The following SETBP1 variants were observed in gnomAD, a reference collection of about 807,000 sequenced individuals.
SETBP1 encodes the protein SET-binding protein.
SETBP1 carries 9 observed loss-of-function variants against 101.0 expected under a neutral mutation model. The observed-to-expected ratio is 0.09, with a 90% CI of 0.05 to 0.16. The LOEUF (loss-of-function observed/expected upper bound fraction) is 0.16. SETBP1 is among the 10% of genes least tolerant of loss of function. The pLI is 1.00. For synonymous variants in SETBP1, 818 were observed against 788.5 expected (o/e 1.04, Z -0.63); for missense variants, 1,858 against 2,033.8 (o/e 0.91, Z 1.66).
chr18:44,711,299 C>T (rs2069335750), intron 2 of SETBP1, among the ~76,000 whole-genome samples: 1 of 128,984 alleles, frequency 7.8e-6, no homozygotes, highest in African/African-American at 2.9e-5. Flanking sequence ...TGCTGCTTGG[C>T]TCTGGCTGTG....
At chr18:44,878,310 T>A (rs1396432285) in intron 3 of SETBP1, among the ~76,000 whole-genome samples, 1 of 150,524 alleles carries the variant, frequency 6.6e-6, no homozygotes, top group Middle Eastern at 3.2e-3. Flanking sequence ...TTCCACTGTC[T>A]TTACATCTTC....
intron 2 of SETBP1, among the ~76,000 whole-genome samples, chr18:44,734,530 C>T (rs1404024604): frequency 6.6e-6 from 1 of 152,214 alleles, no homozygotes; most frequent in African/African-American, 2.4e-5. Flanking sequence ...TTATCTCTTA[C>T]CAGTTTCTGA....
intron 2 of SETBP1, among the ~76,000 whole-genome samples, chr18:44,737,220 A>G (rs2069988167): frequency 1.3e-5 from 2 of 152,212 alleles, no homozygotes; most frequent in Non-Finnish European, 2.9e-5. Context: ...ACTCACATCT[A>G]TGATCCAGCA....
chr18:44,961,578 T>A (rs1384011258), intron 4 of SETBP1, among the ~76,000 whole-genome samples: 1 of 152,168 alleles, frequency 6.6e-6, no homozygotes, highest in African/African-American at 2.4e-5. Flanking sequence ...TCAATAGGCC[T>A]TAAGTCTAAG....
At chr18:45,013,348 G>C (rs1318587908) in intron 4 of SETBP1, among the ~76,000 whole-genome samples, 10 of 152,236 alleles carry the variant, frequency 6.6e-5, no homozygotes, top group Non-Finnish European at 1.3e-4. Context: ...AGGCCTGTTT[G>C]TAGAGCTGGA....
intron 1 of SETBP1, among the ~76,000 whole-genome samples, chr18:44,688,494 A>C (rs1464757850): frequency 7.2e-6 from 1 of 138,254 alleles, no homozygotes; most frequent in African/African-American, 2.7e-5. Flanking sequence ...TTTTTTTTTG[A>C]GATGAAGTCT....
At chr18:44,867,812 C>T (rs966649804) in intron 2 of SETBP1, among the ~76,000 whole-genome samples, 3 of 152,192 alleles carry the variant, frequency 2.0e-5, no homozygotes, top group Non-Finnish European at 4.4e-5. Context: ...ATCACTTAAG[C>T]ACCATTTTTG....
chr18:44,922,372 A>T (rs2070602788), intron 3 of SETBP1, among the ~76,000 whole-genome samples: 1 of 152,260 alleles, frequency 6.6e-6, no homozygotes, highest in African/African-American at 2.4e-5. Flanking sequence ...CACCTGCAAA[A>T]TTGCAAAACG....
chr18:44,844,223 T>A (rs1168420553), intron 2 of SETBP1, among the ~76,000 whole-genome samples: 3 of 152,114 alleles, frequency 2.0e-5, no homozygotes, highest in Non-Finnish European at 4.4e-5. Context: ...TGATTTATAG[T>A]TTGTGCAAGT....
At chr18:44,740,684 A>C (rs528939695) in intron 2 of SETBP1, among the ~76,000 whole-genome samples, 4 of 152,356 alleles carry the variant, frequency 2.6e-5, no homozygotes, top group African/African-American at 9.6e-5. Context: ...AATACTGTGC[A>C]TTAATTGGAG....
chr18:44,748,133 TA>T (rs1229505091), intron 2 of SETBP1, among the ~76,000 whole-genome samples: 1 of 151,506 alleles, frequency 6.6e-6, no homozygotes, highest in Admixed American at 6.6e-5. Context: ...CCCCTCCCAC[TA>T]GAGGAAGAAA....
chr18:44,873,561 T>C (rs762042389), intron 3 of SETBP1, among the ~76,000 whole-genome samples: 8 of 151,978 alleles, frequency 5.3e-5, no homozygotes, highest in Non-Finnish European at 1.0e-4. Flanking sequence ...GAGAAAAAAG[T>C]GAGGCAGTGG....
intron 2 of SETBP1, among the ~76,000 whole-genome samples, chr18:44,708,126 T>C (rs2069261052): frequency 6.6e-6 from 1 of 152,212 alleles, no homozygotes; most frequent in Non-Finnish European, 1.5e-5. Context: ...AACCTCTGGC[T>C]GCTGCACCCA....
At chr18:45,060,218 T>A (rs2073870159) in intron 5 of SETBP1, among the ~76,000 whole-genome samples, 1 of 152,214 alleles carries the variant, frequency 6.6e-6, no homozygotes, top group Non-Finnish European at 1.5e-5. Flanking sequence ...CTTATATGAC[T>A]TTTGCCTCCT....
intron 4 of SETBP1, among the ~76,000 whole-genome samples, chr18:45,034,773 G>A (rs959154442): frequency 1.3e-5 from 2 of 152,018 alleles, no homozygotes; most frequent in African/African-American, 2.4e-5. Context: ...GCCTACCAAG[G>A]GTGCTATCCA....
intron 2 of SETBP1, among the ~76,000 whole-genome samples, chr18:44,808,601 C>T (rs1252874202): frequency 6.6e-6 from 1 of 152,132 alleles, no homozygotes; most frequent in African/African-American, 2.4e-5. Flanking sequence ...CTCATTGGGG[C>T]CACTGAGGAG....
At chr18:44,875,058 G>A (rs2069365136) in intron 3 of SETBP1, among the ~76,000 whole-genome samples, 1 of 152,156 alleles carries the variant, frequency 6.6e-6, no homozygotes, top group African/African-American at 2.4e-5. Context: ...GGCAACTGGG[G>A]GAGTGAGAGT....
chr18:44,685,163 C>T (rs1165430226), intron 1 of SETBP1, among the ~76,000 whole-genome samples: 1 of 152,098 alleles, frequency 6.6e-6, no homozygotes, highest in Non-Finnish European at 1.5e-5. Flanking sequence ...TGAGCTGACC[C>T]TCAGGTAGGC....
intron 2 of SETBP1, among the ~76,000 whole-genome samples, chr18:44,722,040 G>A (rs1052390187): frequency 6.6e-6 from 1 of 151,758 alleles, no homozygotes; most frequent in African/African-American, 2.4e-5. Flanking sequence ...GCGTGGACAT[G>A]CATGTGAAAT....
Sources: allele counts gnomAD v4.1 joint callset (sites outside exome capture counted in the v4.1 genomes callset), GRCh38; gene constraint gnomAD v4.1.1; transcripts MANE v1.5; gene names NCBI Gene and HGNC (gene_info 2026-07-23, HGNC 2026-07-21).